Variants in ROBO1 observed in about 807,000 individuals in gnomAD.
ROBO1 encodes roundabout homolog 1.
ROBO1 carries 149 observed loss-of-function variants against 195.9 expected under a neutral mutation model. The observed-to-expected ratio is 0.76, with a 90% CI of 0.67 to 0.87. ROBO1 has a LOEUF of 0.87. Ranked by LOEUF, ROBO1 falls within the 40% of genes least tolerant of loss-of-function variation. The pLI is 0.00. For synonymous variants in ROBO1, 816 were observed against 733.2 expected (o/e 1.11, Z -1.82); for missense variants, 1,933 against 2,068.3 (o/e 0.93, Z 1.27).
At chr3:78,801,609 A>C (rs1362416758) in intron 4 of ROBO1, among the ~76,000 whole-genome samples, 1 of 152,180 alleles carries the variant, frequency 6.6e-6, no homozygotes, top group African/African-American at 2.4e-5. Context: ...TATAAATGCA[A>C]AACAAGTAGC....
At chr3:79,190,039 T>C (rs931878329) in intron 2 of ROBO1, among the ~76,000 whole-genome samples, 1 of 151,702 alleles carries the variant, frequency 6.6e-6, no homozygotes, top group South Asian at 2.1e-4. Context: ...ATTCATTGTT[T>C]TACTTGGTGT....
At chr3:79,594,580 G>A (rs186606455) in intron 1 of ROBO1, among the ~76,000 whole-genome samples, 31 of 152,082 alleles carry the variant, frequency 2.0e-4, no homozygotes, top group African/African-American at 7.5e-4. Context: ...ATCACAGAAT[G>A]TAAATTCAAA....
intron 1 of ROBO1, among the ~76,000 whole-genome samples, chr3:79,751,356 T>A (rs1704122122): frequency 6.6e-6 from 1 of 152,122 alleles, no homozygotes; most frequent in Non-Finnish European, 1.5e-5. Flanking sequence ...ATTGCAAAAA[T>A]GTCTTGAGAT....
rs2130379 is a variant in ROBO1 at position 79,301,266 on chromosome 3, G to T, written c.89-175727C>A. ...CATCAGAAAGAACAAACTCCAGAGC[G>T]CCACCTTAAGAGCTGACCGCGAGAG... On this transcript the variant is annotated intron_variant, in intron 2 of 30. Transcript: ENST00000464233. Among the ~76,000 whole-genome samples the T allele has an allele frequency of 2.0e-3, 300 of 152,222 alleles. 1 individual carries two copies. The highest frequency in any genetic ancestry group is 6.9e-3 in the African/African-American group (287 of 41,546).
intron 3 of ROBO1, among the ~76,000 whole-genome samples, chr3:79,025,431 G>T (rs1029322637): frequency 2.6e-5 from 4 of 152,152 alleles, no homozygotes; most frequent in Admixed American, 2.0e-4. Context: ...TGAGGCCAGG[G>T]ATTCTTGATT....
intron 3 of ROBO1, among the ~76,000 whole-genome samples, chr3:78,988,495 T>C (rs1322401808): frequency 6.6e-6 from 1 of 152,188 alleles, no homozygotes; most frequent in Non-Finnish European, 1.5e-5. Context: ...ACATTACTTT[T>C]ATCTCCAGAG....
At chr3:78,859,745 A>G (rs1199864487) in intron 4 of ROBO1, among the ~76,000 whole-genome samples, 1 of 152,154 alleles carries the variant, frequency 6.6e-6, no homozygotes, top group East Asian at 1.9e-4. Flanking sequence ...GATAGCAATA[A>G]GAAGGGGCAT....
At chr3:79,245,871 A>G (rs2082616441) in intron 2 of ROBO1, among the ~76,000 whole-genome samples, 1 of 152,116 alleles carries the variant, frequency 6.6e-6, no homozygotes, top group African/African-American at 2.4e-5. Context: ...TATGTTCCCT[A>G]TGGAGCACAG....
chr3:79,588,983 T>C lies in ROBO1; in HGVS notation c.88+841A>G, dbSNP rs189063460. 8.9e-4 allele frequency among the ~76,000 whole-genome samples: 135 copies of C among 151,812 alleles called. 2 individuals are homozygous for C. Among genetic ancestry groups the C allele is most frequent in the Admixed American group, 2.4e-3 (37 of 15,166 alleles). ...GATGAACATGACAAGTTACATATAG[T>C]TGCTGAATATCAAAATAAATATAAC... On this transcript the variant is annotated intron_variant, in intron 2 of 30. Transcript: ENST00000464233.
intron 2 of ROBO1, among the ~76,000 whole-genome samples, chr3:79,251,321 G>C (rs1050823644): frequency 6.6e-5 from 10 of 152,158 alleles, no homozygotes; most frequent in Admixed American, 6.5e-4. Context: ...CTTGCATGCA[G>C]AAGTAGTACT....
chr3:79,328,624 T>A (rs1290561979), intron 2 of ROBO1, among the ~76,000 whole-genome samples: 1 of 152,138 alleles, frequency 6.6e-6, no homozygotes, highest in Admixed American at 6.6e-5. Context: ...TCAGATTATA[T>A]TTTTTAAAAA....
chr3:79,635,185 C>T (rs1945461911), intron 1 of ROBO1, among the ~76,000 whole-genome samples: 1 of 152,178 alleles, frequency 6.6e-6, no homozygotes, highest in Non-Finnish European at 1.5e-5. Flanking sequence ...TTACCATCGC[C>T]TTTTCATTAG....
chr3:78,853,382 G>C (rs777760667), intron 4 of ROBO1, among the ~76,000 whole-genome samples: 2 of 151,060 alleles, frequency 1.3e-5, no homozygotes, highest in African/African-American at 4.9e-5. Flanking sequence ...CAAATATTAA[G>C]TATAGGATAT....
intron 1 of ROBO1, among the ~76,000 whole-genome samples, chr3:79,678,806 T>G (rs2106955007): frequency 6.6e-6 from 1 of 152,150 alleles, no homozygotes; most frequent in East Asian, 1.9e-4. Flanking sequence ...ACTGCTTAGT[T>G]CTAATGTGAG....
chr3:79,322,484 C>A (rs1446204694), intron 2 of ROBO1, among the ~76,000 whole-genome samples: 1 of 152,128 alleles, frequency 6.6e-6, no homozygotes, highest in Non-Finnish European at 1.5e-5. Context: ...GAGAAGGAGG[C>A]ATCACATAGA....
At chr3:79,642,783 G>GA (rs1190465798) in intron 1 of ROBO1, among the ~76,000 whole-genome samples, 3 of 151,898 alleles carry the variant, frequency 2.0e-5, no homozygotes, top group African/African-American at 7.3e-5. Context: ...CACTCTGAAC[G>GA]AAAAAAACAC....
intron 2 of ROBO1, among the ~76,000 whole-genome samples, chr3:79,334,396 T>C (rs948407468): frequency 2.3e-4 from 34 of 148,804 alleles, no homozygotes; most frequent in Non-Finnish European, 1.0e-4. Context: ...CACATTTCCA[T>C]CTAATATATT....
intron 1 of ROBO1, 69 bp from the exon 2 acceptor site, chr3:79,590,030 AT>A: frequency 1.6e-6 from 1 of 639,180 alleles, no homozygotes; most frequent in Non-Finnish European, 2.7e-6. Flanking sequence ...TTTGTGAAAC[AT>A]TGCAGTTCAA....
chr3:78,746,977 T>C, intron 4 of ROBO1, 77 bp from the exon 5 acceptor site: 2 of 957,394 alleles, frequency 2.1e-6, no homozygotes, highest in Admixed American at 7.7e-5. Context: ...GCAGGAGACA[T>C]TTATTATAAT....
Sources: gnomAD v4.1 joint callset for allele counts (sites outside exome capture counted in the v4.1 genomes callset) on GRCh38, gnomAD v4.1.1 for gene constraint, MANE v1.5 for transcripts, NCBI Gene and HGNC (gene_info 2026-07-23, HGNC 2026-07-21) for gene names.